MDGA2: variants seen among roughly 807,000 people sequenced by gnomAD.
MDGA2 encodes MAM domain containing glycosylphosphatidylinositol anchor 2, also known as MAM domain-containing glycosylphosphatidylinositol anchor protein 2.
In MDGA2, 40 loss-of-function variants were observed where a neutral mutation model predicts 117.8. The ratio of observed to expected loss-of-function variants is 0.34; its 90% CI spans 0.26 to 0.44. The LOEUF (loss-of-function observed/expected upper bound fraction) is 0.44. MDGA2 is among the 20% of genes least tolerant of loss of function. The probability of loss-of-function intolerance (pLI) is 1.00; values close to 1 mark genes in which losing one functional copy is unlikely to be tolerated. For missense variants in MDGA2, 1,123 were observed against 1,250.6 expected (o/e 0.90, Z 1.54); for synonymous variants, 452 against 439.0 (o/e 1.03, Z -0.37).
intron 2 of MDGA2, among the ~76,000 whole-genome samples, chr14:47,241,784 T>C (rs1283366388): frequency 6.6e-6 from 1 of 151,906 alleles, no homozygotes; most frequent in Non-Finnish European, 1.5e-5. Flanking sequence ...AAAAAAAATG[T>C]TTAACATTCA....
chr14:47,019,255 T>C (rs139458557), intron 8 of MDGA2, among the ~76,000 whole-genome samples: 173 of 152,240 alleles, frequency 1.1e-3, no homozygotes, highest in African/African-American at 3.8e-3. Flanking sequence ...TTGAGTATAA[T>C]GTAGGAAGAA....
chr14:46,984,280 T>C (rs779078734), intron 8 of MDGA2, among the ~76,000 whole-genome samples: 21 of 152,188 alleles, frequency 1.4e-4, no homozygotes, highest in Non-Finnish European at 3.1e-4. Flanking sequence ...CTTAATAATG[T>C]TCAGTAGAAG....
intron 1 of MDGA2, among the ~76,000 whole-genome samples, chr14:47,542,058 G>C (rs907000461): frequency 5.3e-5 from 8 of 152,146 alleles, no homozygotes; most frequent in Non-Finnish European, 1.2e-4. Flanking sequence ...CTAATATAGA[G>C]ACACAGAGAG....
chr14:47,601,024 GTA>G (rs1896638382), intron 1 of MDGA2, among the ~76,000 whole-genome samples: 1 of 152,202 alleles, frequency 6.6e-6, no homozygotes, highest in Non-Finnish European at 1.5e-5. Context: ...AACAGTATAA[GTA>G]TGTTTTCAGA....
At chr14:47,458,777 A>G (rs1047891825) in intron 1 of MDGA2, among the ~76,000 whole-genome samples, 3 of 151,992 alleles carry the variant, frequency 2.0e-5, no homozygotes, top group African/African-American at 7.2e-5. Context: ...CTTAATATAT[A>G]CAATAAACAA....
intron 1 of MDGA2, among the ~76,000 whole-genome samples, chr14:47,638,663 T>C (rs1305866346): frequency 6.6e-6 from 1 of 152,170 alleles, no homozygotes; most frequent in Admixed American, 6.5e-5. Flanking sequence ...CATGAATCTT[T>C]GCATCATCTC....
chr14:47,156,855 A>G (rs1350539179), intron 3 of MDGA2, among the ~76,000 whole-genome samples: 5 of 152,176 alleles, frequency 3.3e-5, no homozygotes, highest in Admixed American at 6.5e-5. Context: ...GAAGCATATT[A>G]TTTTTTCACT....
chr14:47,488,748 T>C (rs1346205870), intron 1 of MDGA2, among the ~76,000 whole-genome samples: 1 of 152,016 alleles, frequency 6.6e-6, no homozygotes, highest in Non-Finnish European at 1.5e-5. Flanking sequence ...TGAGAGTATG[T>C]AATAAATCAA....
intron 3 of MDGA2, among the ~76,000 whole-genome samples, chr14:47,167,869 T>C (rs1010356685): frequency 3.9e-5 from 6 of 152,156 alleles, no homozygotes; most frequent in Non-Finnish European, 7.4e-5. Context: ...CAATAATGAG[T>C]GACTGCTGCC....
intron 1 of MDGA2, among the ~76,000 whole-genome samples, chr14:47,418,458 T>C (rs1292207054): frequency 1.3e-5 from 2 of 152,178 alleles, no homozygotes; most frequent in African/African-American, 4.8e-5. Flanking sequence ...GCTGTGGTAG[T>C]ACCCACTTTC....
chr14:46,858,702 C>T (rs1881385251), intron 14 of MDGA2, among the ~76,000 whole-genome samples: 1 of 152,164 alleles, frequency 6.6e-6, no homozygotes, highest in Non-Finnish European at 1.5e-5. Flanking sequence ...GCTGGGATTA[C>T]AGGCGTGAGC....
At chr14:47,356,654 G>A (rs1891000617) in intron 1 of MDGA2, among the ~76,000 whole-genome samples, 1 of 152,138 alleles carries the variant, frequency 6.6e-6, no homozygotes, top group Admixed American at 6.5e-5. Context: ...TGTGGGTTGT[G>A]TGGACCTCAC....
At chr14:47,115,571 GA>G (rs1881283380) in intron 5 of MDGA2, among the ~76,000 whole-genome samples, 1 of 151,736 alleles carries the variant, frequency 6.6e-6, no homozygotes, top group South Asian at 2.1e-4. Context: ...AAAAAGAGGG[GA>G]AAAGGAGAAA....
At chr14:47,084,523 CT>C (rs113730646) in intron 6 of MDGA2, among the ~76,000 whole-genome samples, 19 of 151,002 alleles carry the variant, frequency 1.3e-4, no homozygotes, top group African/African-American at 4.1e-4. Context: ...AACTGACATG[CT>C]GAGTAATAAA....
In MDGA2 at chr14:47,265,166, T is replaced by C. The variant is rs117816963; in HGVS notation, c.420+36245A>G. Among the ~76,000 whole-genome samples the C allele has an allele frequency of 1.8e-3, 281 of 152,316 alleles. 4 individuals are homozygous for C. In the East Asian group the frequency reaches 0.031, roughly 17 times the overall value. ...TGCAGAGTTAGGAAGAGATGCACTG[T>C]ACATCATTACATAGCATTTCCATCA... is the stretch of plus-strand genomic sequence containing the variant. On this transcript the variant is annotated intron_variant, in intron 2 of 16. Coordinates refer to ENST00000399232, the MANE Select transcript of MDGA2 (RefSeq NM_001113498.3).
chr14:47,111,625 T>C (rs761073371), intron 5 of MDGA2, among the ~76,000 whole-genome samples: 11 of 152,128 alleles, frequency 7.2e-5, no homozygotes, highest in Non-Finnish European at 1.6e-4. Flanking sequence ...ATCTCACACA[T>C]ACAAAACTTT....
chr14:47,198,320 C>T (rs1885362654), intron 3 of MDGA2, among the ~76,000 whole-genome samples: 1 of 152,188 alleles, frequency 6.6e-6, no homozygotes, highest in Admixed American at 6.5e-5. Context: ...CGCCTGTAAT[C>T]CCAGCACTTT....
At chr14:47,094,590 T>C (rs1879854948) in intron 6 of MDGA2, among the ~76,000 whole-genome samples, 2 of 152,108 alleles carry the variant, frequency 1.3e-5, no homozygotes, top group Non-Finnish European at 2.9e-5. Context: ...AACAAGTTAC[T>C]GTTCTTGATA....
chr14:47,593,439 C>T lies in MDGA2; in HGVS notation c.280+81078G>A, dbSNP rs554584519. Among the ~76,000 whole-genome samples the T allele has an allele frequency of 3.9e-5, 6 of 152,132 alleles. No individual in the cohort carries two copies. In the East Asian group the frequency reaches 5.8e-4, roughly 15 times the overall value. On this transcript the variant is annotated intron_variant, in intron 1 of 16. Coordinates refer to ENST00000399232, the MANE Select transcript of MDGA2 (RefSeq NM_001113498.3). ...AAAGATACATGCATGCGTTTGTTCACGCCACGCTATTCACATTAACAAGGA... is the reference window on the plus strand; with the variant it reads ...AAAGATACATGCATGCGTTTGTTCATGCCACGCTATTCACATTAACAAGGA...
Sources: allele counts gnomAD v4.1 joint callset (sites outside exome capture counted in the v4.1 genomes callset), GRCh38; gene constraint gnomAD v4.1.1; transcripts MANE v1.5; gene names NCBI Gene and HGNC (gene_info 2026-07-23, HGNC 2026-07-21).